FHIT: variants seen among roughly 807,000 people sequenced by gnomAD.
FHIT encodes bis(5'-adenosyl)-triphosphatase.
Under a neutral mutation model 17.9 loss-of-function variants are expected in FHIT, and 19 were observed. The ratio of observed to expected loss-of-function variants is 1.06; its 90% CI spans 0.74 to 1.56. The LOEUF (loss-of-function observed/expected upper bound fraction) is 1.56. Ranked by LOEUF, FHIT falls within the 40% of genes most tolerant of loss-of-function variation. FHIT has a pLI of 0.00. For synonymous variants in FHIT, 81 were observed against 69.7 expected, an observed-to-expected ratio of 1.16 and a Z score of -0.81; for missense variants, 248 against 189.2, an observed-to-expected ratio of 1.31 and a Z score of -1.82.
intron 8 of FHIT, among the ~76,000 whole-genome samples, chr3:59,845,385 G>C (rs752810799): frequency 1.3e-5 from 2 of 151,722 alleles, no homozygotes; most frequent in Non-Finnish European, 2.9e-5. Flanking sequence ...TTAGACATTT[G>C]TCTTATTTTT....
chr3:60,150,483 C>G (rs1237166570), intron 5 of FHIT, among the ~76,000 whole-genome samples: 2 of 152,112 alleles, frequency 1.3e-5, no homozygotes, highest in African/African-American at 2.4e-5. Context: ...CTTTTTGATA[C>G]TTATGATTAT....
chr3:61,244,623 T>A (rs2040444211), intron 1 of FHIT, among the ~76,000 whole-genome samples: 2 of 152,148 alleles, frequency 1.3e-5, no homozygotes, highest in Admixed American at 1.3e-4. Context: ...TTATCTGGCC[T>A]TCTCCTGAAG....
At chr3:59,774,162 C>T (rs1290823533) in intron 8 of FHIT, among the ~76,000 whole-genome samples, 1 of 152,158 alleles carries the variant, frequency 6.6e-6, no homozygotes, top group African/African-American at 2.4e-5. Flanking sequence ...CAGACGACAG[C>T]CACTGGGTCA....
intron 5 of FHIT, among the ~76,000 whole-genome samples, chr3:60,133,585 C>T (rs1168948178): frequency 1.3e-5 from 2 of 152,016 alleles, no homozygotes; most frequent in Admixed American, 6.6e-5. Context: ...TTTTTCTCTT[C>T]CCCAGTGTGG....
At chr3:61,041,490 A>G (rs1371890322) in intron 3 of FHIT, among the ~76,000 whole-genome samples, 1 of 152,058 alleles carries the variant, frequency 6.6e-6, no homozygotes, top group Non-Finnish European at 1.5e-5. Flanking sequence ...ATCAATTAGC[A>G]ACACTATTTG....
At chr3:61,031,937 C>A (rs989839244) in intron 3 of FHIT, among the ~76,000 whole-genome samples, 2 of 152,220 alleles carry the variant, frequency 1.3e-5, no homozygotes, top group African/African-American at 4.8e-5. Flanking sequence ...TAAATCAAGG[C>A]ATGTTGGGTC....
chr3:59,961,401 C>A (rs138348448), intron 7 of FHIT, among the ~76,000 whole-genome samples: 1 of 152,118 alleles, frequency 6.6e-6, no homozygotes, highest in Admixed American at 6.5e-5. Context: ...TACTTCATTT[C>A]GCTGTACTTA....
intron 5 of FHIT, among the ~76,000 whole-genome samples, chr3:60,201,605 A>T (rs926787060): frequency 3.3e-5 from 5 of 152,168 alleles, no homozygotes; most frequent in African/African-American, 1.2e-4. Flanking sequence ...TCATTCATAC[A>T]TATTTATTTT....
chr3:61,145,872 T>A (rs528931721), intron 2 of FHIT, among the ~76,000 whole-genome samples: 3 of 152,084 alleles, frequency 2.0e-5, no homozygotes, highest in Non-Finnish European at 4.4e-5. Context: ...TCTTGCCACA[T>A]TGCTGAACTC....
intron 2 of FHIT, among the ~76,000 whole-genome samples, chr3:61,099,572 A>G (rs1220761130): frequency 1.3e-5 from 2 of 152,052 alleles, no homozygotes; most frequent in Non-Finnish European, 2.9e-5. Context: ...TAGGCTATTT[A>G]TTATTGTCTA....
intron 5 of FHIT, among the ~76,000 whole-genome samples, chr3:60,312,673 C>T (rs970025456): frequency 2.0e-5 from 3 of 152,126 alleles, no homozygotes; most frequent in Admixed American, 6.6e-5. Context: ...GCCAGCCTAT[C>T]AACTACCTTT....
At chr3:59,754,410 T>A (rs1409984381) in intron 8 of FHIT, among the ~76,000 whole-genome samples, 1 of 152,212 alleles carries the variant, frequency 6.6e-6, no homozygotes, top group African/African-American at 2.4e-5. Flanking sequence ...CATGCTGCAG[T>A]TGCTACAGGC....
At chr3:59,768,926 T>A (rs1281601008) in intron 8 of FHIT, among the ~76,000 whole-genome samples, 1 of 152,234 alleles carries the variant, frequency 6.6e-6, no homozygotes, top group African/African-American at 2.4e-5. Context: ...TGAATCAAAC[T>A]CTTACAGCAT....
chr3:59,817,576 A>AAG (rs923222210), intron 8 of FHIT, among the ~76,000 whole-genome samples: 7 of 151,372 alleles, frequency 4.6e-5, no homozygotes, highest in South Asian at 2.1e-4. Context: ...AAAAAAAAAA[A>AAG]AAAAGAAAGA....
chr3:59,940,894 T>C (rs189631290), intron 7 of FHIT, among the ~76,000 whole-genome samples: 11 of 152,300 alleles, frequency 7.2e-5, no homozygotes, highest in South Asian at 2.1e-4. Context: ...GTTACTTCCA[T>C]AGAGAGGACT....
chr3:60,767,407 G>T (rs183717354), intron 4 of FHIT, among the ~76,000 whole-genome samples: 126 of 152,210 alleles, frequency 8.3e-4, no homozygotes, highest in African/African-American at 2.8e-3. Context: ...CTTCTATGAA[G>T]TAGGAACTTA....
At chr3:59,772,449 A>G (rs1464036856) in intron 8 of FHIT, among the ~76,000 whole-genome samples, 1 of 152,224 alleles carries the variant, frequency 6.6e-6, no homozygotes, top group Non-Finnish European at 1.5e-5. Context: ...TAAACACTTT[A>G]CATTTATTCA....
intron 3 of FHIT, among the ~76,000 whole-genome samples, chr3:60,888,513 A>C (rs6785032): frequency 2.6e-5 from 4 of 151,936 alleles, no homozygotes; most frequent in African/African-American, 9.7e-5. Context: ...GAAAAAAAAA[A>C]ATATAGGTTT....
chr3:61,050,080 T>A (rs2033970110), intron 2 of FHIT, among the ~76,000 whole-genome samples: 1 of 152,228 alleles, frequency 6.6e-6, no homozygotes. Flanking sequence ...GTTTAACCAT[T>A]TCTTTGGGCC....
Sources: gnomAD v4.1 joint callset for allele counts (sites outside exome capture counted in the v4.1 genomes callset) on GRCh38, gnomAD v4.1.1 for gene constraint, MANE v1.5 for transcripts, NCBI Gene and HGNC (gene_info 2026-07-23, HGNC 2026-07-21) for gene names.